The following ZNF608 variants were observed in gnomAD, a reference collection of about 807,000 sequenced individuals.
The protein encoded by ZNF608 is renal carcinoma antigen NY-REN-36.
ZNF608 carries 12 observed loss-of-function variants against 109.0 expected under a neutral mutation model. The ratio of observed to expected loss-of-function variants is 0.11; its 90% CI spans 0.07 to 0.18. The LOEUF is 0.18. Ranked by LOEUF, ZNF608 falls within the 10% of genes least tolerant of loss-of-function variation. ZNF608 has a pLI of 1.00. For missense variants in ZNF608, 1,707 were observed against 1,879.3 expected (o/e 0.91, Z 1.70); for synonymous variants, 732 against 717.4 (o/e 1.02, Z -0.33).
rs747548810 is a variant in ZNF608, at chr5:124,644,365, T to C, written c.4002A>G (p.Ser1334=). ...DSRGTRVAVS[S]PMSQHQSYIQ... is the part of the protein sequence containing the mutation. ...TGTATGACTGATGCTGACTCATGGGTGAGGAGACAGCCACTCTTGTTCCCC... is the reference window on the plus strand; with the variant it reads ...TGTATGACTGATGCTGACTCATGGGCGAGGAGACAGCCACTCTTGTTCCCC... The change falls in exon 6 of 10, where the codon TCA becomes TCG. Residue 1334 remains serine (S), a synonymous_variant. Coordinates refer to ENST00000513986, the MANE Select transcript of ZNF608 (RefSeq NM_020747.3). 6.2e-7 allele frequency: 1 copy of C among 1,614,162 alleles called. No individual in the cohort carries two copies. Among genetic ancestry groups the C allele is most frequent in the East Asian group, 2.2e-5 (1 of 44,884 alleles).
chr5:124,733,979 C>A (rs1749028479), intron 2 of ZNF608, among the ~76,000 whole-genome samples: 1 of 152,052 alleles, frequency 6.6e-6, no homozygotes, highest in South Asian at 2.1e-4. Context: ...CATTAGAAAT[C>A]AATCAATATA....
At chr5:124,684,890 T>G (rs76664385) in intron 3 of ZNF608, among the ~76,000 whole-genome samples, 18,999 of 152,234 alleles carry the variant, frequency 0.12, 1,439 homozygotes, top group Non-Finnish European at 0.17. Flanking sequence ...CAAGAACTGT[T>G]GAGGATTCTG....
At chr5:124,680,648 C>T (rs1752154737) in intron 3 of ZNF608, among the ~76,000 whole-genome samples, 3 of 152,110 alleles carry the variant, frequency 2.0e-5, no homozygotes, top group Non-Finnish European at 4.4e-5. Context: ...CAGTCATAGG[C>T]ATTTGAGGAA....
intron 3 of ZNF608, among the ~76,000 whole-genome samples, chr5:124,658,912 G>C (rs1751127692): frequency 6.6e-6 from 1 of 152,172 alleles, no homozygotes; most frequent in African/African-American, 2.4e-5. Flanking sequence ...TAATGACACA[G>C]ATCTTGTGGT....
intron 3 of ZNF608, among the ~76,000 whole-genome samples, chr5:124,698,934 G>T (rs1752946322): frequency 6.6e-6 from 1 of 152,100 alleles, no homozygotes; most frequent in African/African-American, 2.4e-5. Context: ...ACACTGCAGG[G>T]ACTTAGTCCT....
Position 124,723,435 on chromosome 5 carries a change from C to T in ZNF608, c.906+20649G>A, listed in dbSNP as rs532983517. On this transcript the variant is annotated intron_variant, in intron 2 of 9. Coordinates refer to ENST00000513986, the MANE Select transcript of ZNF608 (RefSeq NM_020747.3). ...GGGCACAGTGGCTCACCCCTGTAAT[C>T]CCAGCACTTTGGGAGGCCAAGGTGG... Among the ~76,000 whole-genome samples, 12 of 152,262 alleles carry T rather than the reference C, an allele frequency of 7.9e-5. No homozygotes were observed. The South Asian group carries it at 2.5e-3, about 32-fold the overall frequency.
chr5:124,639,109 A>G (rs753351422), intron 9 of ZNF608, 24 bp downstream of exon 9: 1 of 1,606,728 alleles, frequency 6.2e-7, no homozygotes, highest in Admixed American at 1.7e-5. Flanking sequence ...TCTACAACTA[A>G]TTAAAAATGT....
chr5:124,731,259 G>A (rs1748882536), intron 2 of ZNF608, among the ~76,000 whole-genome samples: 1 of 152,154 alleles, frequency 6.6e-6, no homozygotes, highest in Non-Finnish European at 1.5e-5. Flanking sequence ...GGCCCAGGCT[G>A]GTGTGCAGTG....
intron 3 of ZNF608, among the ~76,000 whole-genome samples, chr5:124,684,004 AC>A (rs1752305599): frequency 6.6e-6 from 1 of 152,100 alleles, no homozygotes; most frequent in Non-Finnish European, 1.5e-5. Flanking sequence ...CTCAAACCAG[AC>A]CCTGCTTTAC....
chr5:124,647,791 C>T lies in ZNF608; in HGVS notation c.2593G>A (p.Ala865Thr). 1 of 1,614,144 alleles carries T rather than the reference C, an allele frequency of 6.2e-7. No individual in the cohort carries two copies. The highest frequency in any genetic ancestry group is 8.5e-7 in the Non-Finnish European group (1 of 1,179,976). Reference protein sequence around the residue: ...KDHLNKNEGLANGLSESQESR... With the variant: ...KDHLNKNEGLTNGLSESQESR... ...TCCTGAGACTCCGACAGTCCATTTG[C>T]CAGCCCTTCATTCTTGTTGAGATGA... Residue 865 changes from alanine to threonine, a missense_variant, in exon 5 of 10, where the codon GCA becomes ACA. Ala to Thr is a moderately conservative substitution (Grantham distance 58). Around this residue, in one of 7 missense-constraint regions of ZNF608, gnomAD observed 1,073 missense variants for 1,133.5 expected, o/e 0.95. Coordinates refer to ENST00000513986, the MANE Select transcript of ZNF608 (RefSeq NM_020747.3).
chr5:124,736,220 G>C (rs914735899), intron 2 of ZNF608, among the ~76,000 whole-genome samples: 3 of 152,210 alleles, frequency 2.0e-5, no homozygotes, highest in African/African-American at 7.2e-5. Context: ...GTGCGGCTGT[G>C]CTAGTCATAA....
In ZNF608 at chr5:124,648,760, A is replaced by G. The variant is rs1486687396; in HGVS notation, c.1624T>C (p.Phe542Leu). ...GGAGAAGAGCAGCCTTGGTCCAAAA[A>G]AGTAGTCTCTGGTTTCCCTTGAGGG... ...TTPQGKPETT[F>L]LDQGCSSPVL... is the part of the protein sequence containing the mutation. The change falls in exon 5 of 10, where the codon TTT becomes CTT. Residue 542 changes from phenylalanine to leucine, a missense_variant. By Grantham distance (22) the Phe-to-Leu change is conservative. Around this residue, in one of 7 missense-constraint regions of ZNF608, gnomAD observed 166 missense variants for 204.2 expected, o/e 0.81. Coordinates refer to ENST00000513986, the MANE Select transcript of ZNF608 (RefSeq NM_020747.3). 6.2e-7 allele frequency: 1 copy of G among 1,614,164 alleles called. No individual in the cohort carries two copies.
intron 3 of ZNF608, among the ~76,000 whole-genome samples, chr5:124,670,397 T>C (rs1000939595): frequency 6.6e-6 from 1 of 151,756 alleles, no homozygotes; most frequent in Non-Finnish European, 1.5e-5. Flanking sequence ...TAGCCTAAAA[T>C]ATGAACGTCT....
At chr5:124,668,510 T>C (rs1159647306) in intron 3 of ZNF608, among the ~76,000 whole-genome samples, 1 of 152,012 alleles carries the variant, frequency 6.6e-6, no homozygotes, top group South Asian at 2.1e-4. Flanking sequence ...AAATGGCTAG[T>C]CCTGGGCCCT....
Position 124,646,968 on chromosome 5 carries a change from C to A in ZNF608, c.3416G>T (p.Gly1139Val), listed in dbSNP as rs150431508. Residue 1139 changes from glycine (G) to valine (V), a missense_variant, in exon 5 of 10, where the codon GGC becomes GTC. Gly to Val is a moderately radical substitution (Grantham distance 109, BLOSUM62 -3). Transcript: ENST00000513986. The stretch of plus-strand genomic sequence containing the variant: ...ATTTTTCTGTTTAGTTTCCTCCTTG[C>A]CCAGCTCTTTCAAGGGGAGCTCACT... ...RKSELPLKELGKEETKQKNMP... is the reference protein window; with the variant it reads ...RKSELPLKELVKEETKQKNMP... The A allele has an allele frequency of 6.2e-7, 1 of 1,614,092 alleles. No homozygotes were observed. Among genetic ancestry groups the A allele is most frequent in the Admixed American group, 1.7e-5 (1 of 59,994 alleles).
At chr5:124,644,693 A>G in intron 5 of ZNF608, 32 bp from the exon 6 acceptor site, 2 of 1,509,656 alleles carry the variant, frequency 1.3e-6, no homozygotes, top group Non-Finnish European at 1.8e-6. Flanking sequence ...AAAAAAACCC[A>G]ACAGATTTGT....
chr5:124,641,699 G>C (rs1270131643), intron 7 of ZNF608, among the ~76,000 whole-genome samples: 3 of 152,166 alleles, frequency 2.0e-5, no homozygotes, highest in African/African-American at 7.2e-5. Flanking sequence ...TGCAGGTTAA[G>C]AATTTACCCA....
rs115480877 is a variant in ZNF608, at chr5:124,733,101, A to T, written c.906+10983T>A. ...ATAACACTGGGCATTCAATTTCTGT[A>T]CCTTACGGCCTCATTCTTTCACCTC... On this transcript the variant is annotated intron_variant, in intron 2 of 9. Coordinates refer to ENST00000513986, the MANE Select transcript of ZNF608 (RefSeq NM_020747.3). 4.2e-3 allele frequency among the ~76,000 whole-genome samples: 631 copies of T among 151,866 alleles called. 5 individuals are homozygous for T. The highest frequency in any genetic ancestry group is 0.015 in the African/African-American group (608 of 41,436).
intron 3 of ZNF608, among the ~76,000 whole-genome samples, chr5:124,676,854 G>A (rs1224830497): frequency 6.6e-6 from 1 of 152,144 alleles, no homozygotes; most frequent in Non-Finnish European, 1.5e-5. Context: ...ACTAAGCAAT[G>A]CATTATTTAG....
Sources: gnomAD v4.1 joint callset for allele counts (sites outside exome capture counted in the v4.1 genomes callset) on GRCh38, gnomAD v4.1.1 for gene constraint, gnomAD v4.1.1 regional missense constraint, MANE v1.5 for transcripts, NCBI Gene and HGNC (gene_info 2026-07-23, HGNC 2026-07-21) for gene names.